Variants in PDE10A observed in about 807,000 individuals in gnomAD.
PDE10A encodes the protein cAMP and cAMP-inhibited cGMP 3',5'-cyclic phosphodiesterase 10A.
PDE10A carries 39 observed loss-of-function variants against 97.7 expected under a neutral mutation model. The observed-to-expected ratio is 0.40, with a 90% CI of 0.31 to 0.52. The LOEUF (loss-of-function observed/expected upper bound fraction) is 0.52, where lower values mean the gene tolerates loss of function less well. Ranked by LOEUF, PDE10A falls within the 20% of genes least tolerant of loss-of-function variation. The pLI is 0.56. For synonymous variants in PDE10A, 371 were observed against 376.8 expected (o/e 0.98, Z 0.18); for missense variants, 731 against 1,047.8 (o/e 0.70, Z 4.17).
At chr6:165,355,267 G>C (rs577783243) in intron 18 of PDE10A, among the ~76,000 whole-genome samples, 1 of 152,248 alleles carries the variant, frequency 6.6e-6, no homozygotes, top group Admixed American at 6.5e-5. Context: ...AAGGATATTA[G>C]TGAGTATGAA....
chr6:165,860,583 C>T (rs756581295), intron 1 of PDE10A, among the ~76,000 whole-genome samples: 100 of 152,386 alleles, frequency 6.6e-4, no homozygotes, highest in Non-Finnish European at 1.6e-4. Context: ...CAGGTCAGAA[C>T]ACTCACAGTT....
intron 1 of PDE10A, among the ~76,000 whole-genome samples, chr6:165,802,813 C>T (rs1227557932): frequency 6.6e-6 from 1 of 152,210 alleles, no homozygotes; most frequent in Non-Finnish European, 1.5e-5. Context: ...CCAACTGGAC[C>T]TATTTGCCTC....
rs188370036 is a variant in PDE10A at position 165,411,344 on chromosome 6, C to A, written c.2076+2157G>T. 2.0e-3 allele frequency among the ~76,000 whole-genome samples: 299 copies of A among 152,058 alleles called. 1 individual carries two copies. The highest frequency in any genetic ancestry group is 6.8e-3 in the African/African-American group (283 of 41,466). ...AGAGATAGGGCCTTTAAAGAGGTAA[C>A]TATGGTAAGAGGAGATTTAAAGCGT... On this transcript the variant is annotated intron_variant, in intron 13 of 21. Coordinates refer to ENST00000539869, the MANE Select transcript of PDE10A (RefSeq NM_001385079.1).
intron 1 of PDE10A, among the ~76,000 whole-genome samples, chr6:165,752,100 G>A (rs1008727915): frequency 1.6e-5 from 2 of 126,140 alleles, no homozygotes; most frequent in African/African-American, 6.2e-5. Context: ...CCAAGATCAC[G>A]CCACTGCACT....
rs1783338833 is a variant in PDE10A at position 165,540,080 on chromosome 6, A to G, written c.994+3360T>C. Among the ~76,000 whole-genome samples, 5 of 152,314 alleles carry G rather than the reference A, an allele frequency of 3.3e-5. No homozygotes were observed. In the South Asian group the frequency reaches 1.0e-3, roughly 32 times the overall value. Reference sequence around the variant, plus strand: ...TATTTCACTTGGAGGTTTAGTATTTAACCCTCCCTAATTTATTCATTCATT... The same window carrying G: ...TATTTCACTTGGAGGTTTAGTATTTGACCCTCCCTAATTTATTCATTCATT... On this transcript the variant is annotated intron_variant, in intron 2 of 21. Coordinates refer to ENST00000539869, the MANE Select transcript of PDE10A (RefSeq NM_001385079.1).
At chr6:165,942,716 A>G (rs300109) in intron 1 of PDE10A, among the ~76,000 whole-genome samples, 40,925 of 151,984 alleles carry the variant, frequency 0.27, 6,218 homozygotes, top group African/African-American at 0.4. Flanking sequence ...GCACTATTAT[A>G]TACCAACCTA....
chr6:165,559,623 T>A (rs1389516652), intron 1 of PDE10A, among the ~76,000 whole-genome samples: 26 of 152,210 alleles, frequency 1.7e-4, no homozygotes, highest in Admixed American at 1.7e-3. Context: ...TCTTAGAGGA[T>A]AACCTTTTGT....
chr6:165,900,529 ATC>A (rs371687830), intron 1 of PDE10A, among the ~76,000 whole-genome samples: 22 of 149,506 alleles, frequency 1.5e-4, no homozygotes, highest in East Asian at 2.0e-4. Context: ...GGCACACATC[ATC>A]TCTCTCTCTC....
chr6:165,764,612 CAGTG>C (rs2128458608), intron 1 of PDE10A, among the ~76,000 whole-genome samples: 1 of 152,202 alleles, frequency 6.6e-6, no homozygotes, highest in African/African-American at 2.4e-5. Context: ...CAGACCTTCG[CAGTG>C]AGTGTTAACA....
intron 1 of PDE10A, among the ~76,000 whole-genome samples, chr6:165,641,630 G>C (rs1175640725): frequency 6.6e-6 from 1 of 152,180 alleles, no homozygotes; most frequent in Non-Finnish European, 1.5e-5. Context: ...ATATTATTTA[G>C]AGTGCCTTGG....
chr6:165,445,884 T>C (rs1790812442), intron 5 of PDE10A, among the ~76,000 whole-genome samples: 1 of 139,074 alleles, frequency 7.2e-6, no homozygotes, highest in South Asian at 2.4e-4. Flanking sequence ...AAGAATAGAA[T>C]TCACAGTTAG....
At chr6:165,600,189 C>T (rs1014796146) in intron 1 of PDE10A, among the ~76,000 whole-genome samples, 5 of 152,298 alleles carry the variant, frequency 3.3e-5, no homozygotes, top group African/African-American at 1.2e-4. Context: ...CCGAGGATCC[C>T]ACAAACCACA....
At chr6:165,783,019 T>G (rs914962140) in intron 1 of PDE10A, among the ~76,000 whole-genome samples, 1 of 148,770 alleles carries the variant, frequency 6.7e-6, no homozygotes, top group African/African-American at 2.5e-5. Context: ...CTACATACAC[T>G]TCCTCGCTTA....
intron 1 of PDE10A, among the ~76,000 whole-genome samples, chr6:165,952,797 C>G (rs1033097410): frequency 2.0e-5 from 3 of 152,096 alleles, no homozygotes; most frequent in African/African-American, 7.2e-5. Flanking sequence ...TGGGCTCCAT[C>G]CACTTTGCTT....
rs982198814 is a variant in PDE10A, at chr6:165,662,732, GGGCCGCAGCCCGGCTCGTCCCC to G, written c.58_79del (p.Gly20ProfsTer147). On this transcript the variant is annotated frameshift_variant, in exon 1 of 22. Transcript: ENST00000539869. LOFTEE classifies it high-confidence loss of function. ...CCGGGGTTCCGGGCGGAGTTTGCCG[GGGCCGCAGCCCGGCTCGTCCCC>G]GGCCGCTGGCAGGGGACCCTGGGGG... Among the ~76,000 whole-genome samples, 3 of 148,022 alleles carry G rather than the reference GGGCCGCAGCCCGGCTCGTCCCC, an allele frequency of 2.0e-5. No individual in the cohort carries two copies. Among genetic ancestry groups the G allele is most frequent in the Non-Finnish European group, 3.0e-5 (2 of 66,548 alleles).
At chr6:165,980,477 T>C (rs1784980783) in intron 1 of PDE10A, among the ~76,000 whole-genome samples, 1 of 152,248 alleles carries the variant, frequency 6.6e-6, no homozygotes, top group Non-Finnish European at 1.5e-5. Context: ...TGGCACATTG[T>C]ACCACGGAAT....
rs34189554 is a variant in PDE10A, at chr6:165,691,099, T to TCTCTCTC, written c.-614-147532_-614-147531insGAGAGAG. ...TTTCTCTCTCTCTCTCTCTCTCTCT[T>TCTCTCTC]TCTCTCTCCCCCCCCCCATCAGTGC... On this transcript the variant is annotated intron_variant, in intron 1 of 19. Transcript: ENST00000366882. 9.4e-3 allele frequency among the ~76,000 whole-genome samples: 503 copies of TCTCTCTC among 53,254 alleles called. 92 individuals carry two copies. Among genetic ancestry groups the TCTCTCTC allele is most frequent in the African/African-American group, 0.025 (214 of 8,538 alleles). The allele number at this position is 53,254 out of a possible 152,430, so 34.9% of individuals were successfully genotyped here. A position where few individuals can be genotyped will look rare whatever the true frequency, so the allele number is the denominator to read the frequency against.
chr6:165,462,401 G>A (rs967145423), intron 3 of PDE10A, among the ~76,000 whole-genome samples: 8 of 152,196 alleles, frequency 5.3e-5, no homozygotes, highest in African/African-American at 1.7e-4. Context: ...CAGAACAACC[G>A]ATTTGGTGGA....
At chr6:165,695,688 A>G (rs530640334) in intron 1 of PDE10A, among the ~76,000 whole-genome samples, 27 of 152,232 alleles carry the variant, frequency 1.8e-4, no homozygotes, top group Admixed American at 1.4e-3. Context: ...ACCTGAGGGC[A>G]CTCTCAAGAA....
Sources: allele counts gnomAD v4.1 joint callset (sites outside exome capture counted in the v4.1 genomes callset), GRCh38; gene constraint gnomAD v4.1.1; transcripts MANE v1.5; gene names NCBI Gene and HGNC (gene_info 2026-07-23, HGNC 2026-07-21).